The following CRPPA variants were observed in gnomAD, a reference collection of about 807,000 sequenced individuals.
The protein encoded by CRPPA is CDP-L-ribitol pyrophosphorylase A.
In CRPPA, 43 loss-of-function variants were observed where a neutral mutation model predicts 52.0. That is an observed-to-expected ratio of 0.83 (90% CI 0.65 to 1.07). The LOEUF (loss-of-function observed/expected upper bound fraction) is 1.07, where lower values mean the gene tolerates loss of function less well. CRPPA is among the 50% of genes least tolerant of loss of function. The probability of loss-of-function intolerance (pLI) is 0.00; values close to 1 mark genes in which losing one functional copy is unlikely to be tolerated. For missense variants in CRPPA, 629 were observed against 551.7 expected (o/e 1.14, Z -1.40); for synonymous variants, 250 against 203.5 (o/e 1.23, Z -1.94).
chr7:16,359,503 C>T (rs1329628552), intron 3 of CRPPA, among the ~76,000 whole-genome samples: 2 of 152,182 alleles, frequency 1.3e-5, no homozygotes, highest in African/African-American at 4.8e-5. Context: ...TCTGTTATGT[C>T]TAATTCTTTA....
intron 5 of CRPPA, among the ~76,000 whole-genome samples, chr7:16,295,457 C>T (rs1422458685): frequency 1.3e-5 from 2 of 151,942 alleles, no homozygotes; most frequent in Non-Finnish European, 2.9e-5. Flanking sequence ...TGAAAACAGG[C>T]ACCATGAGGC....
At chr7:16,406,438 G>A (rs1446020301) in intron 1 of CRPPA, 101 bp from the exon 2 acceptor site, 2 of 999,130 alleles carry the variant, frequency 2.0e-6, no homozygotes, top group East Asian at 2.5e-5. Flanking sequence ...TAAATAGGGA[G>A]ATTAAAAACT....
chr7:16,397,503 A>T (rs1047493903), intron 2 of CRPPA, among the ~76,000 whole-genome samples: 4 of 149,232 alleles, frequency 2.7e-5, no homozygotes, highest in African/African-American at 1.0e-4. Context: ...TGACTGACAC[A>T]TAACATGTGA....
intron 9 of CRPPA, among the ~76,000 whole-genome samples, chr7:16,127,627 T>A (rs866534700): frequency 1.7e-4 from 26 of 151,922 alleles, no homozygotes; most frequent in African/African-American, 5.8e-4. Context: ...AAAATCATAA[T>A]CACAATAGCC....
chr7:16,371,834 A>G (rs554854031), intron 3 of CRPPA, among the ~76,000 whole-genome samples: 1 of 152,242 alleles, frequency 6.6e-6, no homozygotes, highest in East Asian at 1.9e-4. Flanking sequence ...TAAATGAAAA[A>G]AATTCCAGAG....
chr7:16,150,665 TA>T (rs1278687504), intron 9 of CRPPA, among the ~76,000 whole-genome samples: 16 of 152,212 alleles, frequency 1.1e-4, no homozygotes, highest in African/African-American at 3.9e-4. Context: ...CCATCTGCTA[TA>T]AGAAAATATG....
intron 1 of CRPPA, among the ~76,000 whole-genome samples, chr7:16,410,927 C>T (rs1020269003): frequency 2.0e-5 from 3 of 152,162 alleles, no homozygotes; most frequent in Non-Finnish European, 4.4e-5. Flanking sequence ...CTGCATACAA[C>T]ATCCCTGCTT....
intron 5 of CRPPA, among the ~76,000 whole-genome samples, chr7:16,283,589 T>C (rs1784363275): frequency 6.6e-6 from 1 of 151,420 alleles, no homozygotes; most frequent in African/African-American, 2.4e-5. Flanking sequence ...GTAGGATACA[T>C]ACATATCCTA....
chr7:16,364,385 G>A (rs1358135614), intron 3 of CRPPA, among the ~76,000 whole-genome samples: 1 of 152,170 alleles, frequency 6.6e-6, no homozygotes, highest in African/African-American at 2.4e-5. Context: ...ACTGTAAGTT[G>A]GTATGTGTAT....
intron 2 of CRPPA, among the ~76,000 whole-genome samples, chr7:16,390,315 T>C (rs1398945725): frequency 2.6e-5 from 4 of 152,242 alleles, no homozygotes; most frequent in African/African-American, 9.6e-5. Context: ...ACAAGTTTCT[T>C]CACACAAGTA....
chr7:16,180,895 C>T (rs10267288), intron 9 of CRPPA, among the ~76,000 whole-genome samples: 7,935 of 152,002 alleles, frequency 0.052, 670 homozygotes, highest in African/African-American at 0.18. Flanking sequence ...GCTGAACTTG[C>T]ATCTCCAAAC....
At chr7:16,206,316 A>G (rs1583428166) in intron 9 of CRPPA, among the ~76,000 whole-genome samples, 1 of 152,124 alleles carries the variant, frequency 6.6e-6, no homozygotes, top group South Asian at 2.1e-4. Context: ...AATACATTTT[A>G]TATTGTGCTG....
At chr7:16,341,127 G>A (rs2526606) in intron 3 of CRPPA, among the ~76,000 whole-genome samples, 138,887 of 152,122 alleles carry the variant, frequency 0.91, 63,558 homozygotes, top group Non-Finnish European at 0.95. Flanking sequence ...GAAAATTTTT[G>A]AGGCAGTGAA....
chr7:16,144,766 T>C (rs1782941132), intron 9 of CRPPA, among the ~76,000 whole-genome samples: 1 of 152,164 alleles, frequency 6.6e-6, no homozygotes. Context: ...GGGGGCTGCA[T>C]TCTCAGCAGC....
At chr7:16,338,631 A>T (rs973854676) in intron 3 of CRPPA, among the ~76,000 whole-genome samples, 2 of 152,182 alleles carry the variant, frequency 1.3e-5, no homozygotes, top group Non-Finnish European at 2.9e-5. Flanking sequence ...AATTATAAAC[A>T]ACTCTAGGCT....
intron 2 of CRPPA, among the ~76,000 whole-genome samples, chr7:16,377,400 T>A (rs1027796735): frequency 2.0e-5 from 3 of 152,178 alleles, no homozygotes; most frequent in African/African-American, 7.2e-5. Context: ...CAAACATGCA[T>A]GCTGCTTTAA....
chr7:16,327,575 G>C (rs1190334913), intron 3 of CRPPA, among the ~76,000 whole-genome samples: 4 of 137,116 alleles, frequency 2.9e-5, no homozygotes, highest in African/African-American at 1.1e-4. Context: ...AGTCCGGCCT[G>C]GGCGACAGAG....
At chr7:16,169,425 T>C (rs1781131683) in intron 9 of CRPPA, among the ~76,000 whole-genome samples, 1 of 152,180 alleles carries the variant, frequency 6.6e-6, no homozygotes, top group African/African-American at 2.4e-5. Flanking sequence ...TTGCTAATCA[T>C]AATCTAAAAC....
intron 3 of CRPPA, among the ~76,000 whole-genome samples, chr7:16,365,612 C>A (rs1786570851): frequency 6.6e-6 from 1 of 152,118 alleles, no homozygotes; most frequent in African/African-American, 2.4e-5. Flanking sequence ...GTTGAAAAAT[C>A]TCTCTTTATA....
Sources: gnomAD v4.1 joint callset for allele counts (sites outside exome capture counted in the v4.1 genomes callset) on GRCh38, gnomAD v4.1.1 for gene constraint, MANE v1.5 for transcripts, NCBI Gene and HGNC (gene_info 2026-07-23, HGNC 2026-07-21) for gene names.